ACO1: variants seen among roughly 807,000 people sequenced by gnomAD.
ACO1 encodes the protein aconitase 1.
In ACO1, 78 loss-of-function variants were observed where a neutral mutation model predicts 105.1. The observed-to-expected ratio is 0.74, with a 90% confidence interval of 0.62 to 0.90. ACO1 has a LOEUF of 0.90. Ranked by LOEUF, ACO1 falls within the 40% of genes least tolerant of loss-of-function variation. The pLI, the probability that ACO1 is intolerant of heterozygous loss-of-function variation, is 0.00. For missense variants in ACO1, 965 were observed against 1,111.1 expected (o/e 0.87, Z 1.87); for synonymous variants, 364 against 397.4 (o/e 0.92, Z 1.00).
intron 13 of ACO1, among the ~76,000 whole-genome samples, chr9:32,429,836 A>G (rs1188151980): frequency 6.6e-6 from 1 of 152,184 alleles, no homozygotes; most frequent in Non-Finnish European, 1.5e-5. Context: ...AAAGGGCTCT[A>G]CAGTTGTTTG....
intron 12 of ACO1, 131 bp from the exon 13 acceptor site, chr9:32,429,288 C>A: frequency 1.5e-6 from 1 of 670,062 alleles, no homozygotes; most frequent in Non-Finnish European, 2.6e-6. Flanking sequence ...TTAGAAATAG[C>A]ACTATACTGA....
chr9:32,395,938 C>G (rs1261656302), intron 1 of ACO1, among the ~76,000 whole-genome samples: 1 of 152,296 alleles, frequency 6.6e-6, no homozygotes, highest in South Asian at 2.1e-4. Flanking sequence ...GATGTTCTGC[C>G]CCCTCTTGGC....
intron 1 of ACO1, among the ~76,000 whole-genome samples, chr9:32,385,168 G>A (rs1029833411): frequency 6.6e-6 from 1 of 152,220 alleles, no homozygotes; most frequent in African/African-American, 2.4e-5. Flanking sequence ...ACTCCAAGGG[G>A]TAAAGGGAAA....
chr9:32,440,590 G>T lies in ACO1; in HGVS notation c.2370+3G>T. Reference sequence around the variant, plus strand: ...CAGCTAAGGGCCCTTTCCTGCTGGTGAGTATGAAGTAGACATCCTAGGAGG... The same window carrying T: ...CAGCTAAGGGCCCTTTCCTGCTGGTTAGTATGAAGTAGACATCCTAGGAGG... On this transcript the variant is annotated splice_donor_region_variant and intron_variant, in intron 19 of 20. Transcript: ENST00000309951. 1.2e-6 allele frequency: 2 copies of T among 1,613,622 alleles called. No individual in the cohort carries two copies. Among genetic ancestry groups the T allele is most frequent in the South Asian group, 2.2e-5 (2 of 91,024 alleles).
chr9:32,429,348 T>C, intron 12 of ACO1, 71 bp from the exon 13 acceptor site: 1 of 1,416,834 alleles, frequency 7.1e-7, no homozygotes, highest in Non-Finnish European at 1.0e-6. Context: ...CTCTGGAAAC[T>C]GTGGCCAGCA....
At chr9:32,448,646 C>T (rs563826847) in intron 19 of ACO1, among the ~76,000 whole-genome samples, 31 of 152,290 alleles carry the variant, frequency 2.0e-4, no homozygotes, top group African/African-American at 5.3e-4. Context: ...GGTGAGGTGA[C>T]GCCCCACCCC....
chr9:32,418,173 TAGAG>T lies in ACO1; in HGVS notation c.453_456del (p.Arg151SerfsTer6), dbSNP rs1482069997. On this transcript the variant is annotated frameshift_variant, in exon 5 of 21. Transcript: ENST00000309951. LOFTEE classifies it high-confidence loss of function. ...ATCAAGACCTGGAATTTGAAAGAAA[TAGAG>T]AGCGATTTGAATTTTTAAAGGTATG... is the stretch of plus-strand genomic sequence containing the variant. 5.0e-6 allele frequency: 8 copies of T among 1,614,032 alleles called. No homozygotes were observed. The highest frequency in any genetic ancestry group is 1.1e-5 in the South Asian group (1 of 91,086).
chr9:32,409,138 C>T (rs1385739724), intron 4 of ACO1, among the ~76,000 whole-genome samples: 2 of 152,204 alleles, frequency 1.3e-5, no homozygotes, highest in Non-Finnish European at 2.9e-5. Flanking sequence ...CTCCTCTGTT[C>T]CTGCCAAATC....
At chr9:32,390,760 T>TGAGCCATGAAAAGAGTCTTAAATTC (rs1821250854) in intron 1 of ACO1, among the ~76,000 whole-genome samples, 1 of 152,174 alleles carries the variant, frequency 6.6e-6, no homozygotes, top group Non-Finnish European at 1.5e-5. Flanking sequence ...GTCTTAAATT[T>TGAGCCATGAAAAGAGTCTTAAATTC]GAGCCATGAA....
intron 4 of ACO1, among the ~76,000 whole-genome samples, chr9:32,411,112 C>T (rs924920822): frequency 3.9e-5 from 6 of 152,222 alleles, no homozygotes; most frequent in African/African-American, 1.4e-4. Context: ...TTGATCAAAG[C>T]AAATCACATG....
intron 1 of ACO1, among the ~76,000 whole-genome samples, chr9:32,393,882 A>T (rs1821317766): frequency 6.6e-6 from 1 of 152,080 alleles, no homozygotes; most frequent in Non-Finnish European, 1.5e-5. Context: ...ATAACACCGT[A>T]ACCTGCCTCC....
intron 18 of ACO1, among the ~76,000 whole-genome samples, chr9:32,436,610 T>C (rs1025902873): frequency 3.3e-5 from 5 of 152,360 alleles, no homozygotes; most frequent in African/African-American, 1.2e-4. Context: ...TAGACCGTGG[T>C]TTCACTGAGT....
intron 12 of ACO1, 87 bp downstream of exon 12, chr9:32,427,523 G>A (rs1822127951): frequency 6.5e-7 from 1 of 1,526,798 alleles, no homozygotes. Flanking sequence ...ACAGATGTGA[G>A]ATTATCTGAT....
chr9:32,408,509 C>G lies in ACO1; in HGVS notation c.267-5C>G. ...TTTTCTGCATTATTCTCTTTCTTCT[C>G]TTAGGGGTGTGCCCGCTGTGGTTGA... On this transcript the variant is annotated splice_region_variant and splice_polypyrimidine_tract_variant and intron_variant, in intron 3 of 20. Coordinates refer to ENST00000309951, the MANE Select transcript of ACO1 (RefSeq NM_002197.3). 6.2e-7 allele frequency: 1 copy of G among 1,613,934 alleles called. No homozygotes were observed. The highest frequency in any genetic ancestry group is 8.5e-7 in the Non-Finnish European group (1 of 1,179,932).
chr9:32,416,240 G>T lies in ACO1; in HGVS notation c.405-1888G>T, dbSNP rs564379811. Among the ~76,000 whole-genome samples the T allele has an allele frequency of 5.9e-5, 9 of 151,942 alleles. No individual in the cohort carries two copies. In the South Asian group the frequency reaches 1.9e-3, roughly 32 times the overall value. On this transcript the variant is annotated intron_variant, in intron 4 of 20. Coordinates refer to ENST00000309951, the MANE Select transcript of ACO1 (RefSeq NM_002197.3). ...CTCTCGAGTAGCTGGGATTACAGGC[G>T]CCTGCCACCATGCCCGGCTAATTTT... is the stretch of plus-strand genomic sequence containing the variant.
chr9:32,434,037 C>T (rs989562958), intron 16 of ACO1, among the ~76,000 whole-genome samples: 15 of 152,100 alleles, frequency 9.9e-5, no homozygotes, highest in African/African-American at 2.4e-4. Flanking sequence ...AGGGGTTCTG[C>T]GTGGATGTAC....
chr9:32,388,664 A>C (rs1049396449), intron 1 of ACO1, among the ~76,000 whole-genome samples: 1 of 152,146 alleles, frequency 6.6e-6, no homozygotes, highest in Non-Finnish European at 1.5e-5. Flanking sequence ...ATTCCATTCC[A>C]TGTATTTAAA....
Position 32,440,585 on chromosome 9 carries a change from C to T in ACO1, c.2368C>T (p.Leu790=). The T allele has an allele frequency of 1.9e-6, 3 of 1,613,642 alleles. No individual in the cohort carries two copies. Among genetic ancestry groups the T allele is most frequent in the Non-Finnish European group, 2.5e-6 (3 of 1,179,750 alleles). ...RDWAAKGPFL[L]GIKAVLAESY... ...CTGGGCAGCTAAGGGCCCTTTCCTG[C>T]TGGTGAGTATGAAGTAGACATCCTA... The change falls in exon 19 of 21, where the codon CTG becomes TTG. Residue 790 remains leucine, a splice_region_variant and synonymous_variant. Transcript: ENST00000309951.
intron 17 of ACO1, among the ~76,000 whole-genome samples, chr9:32,435,843 G>C (rs1822343916): frequency 6.6e-6 from 1 of 152,086 alleles, no homozygotes; most frequent in African/African-American, 2.4e-5. Context: ...GTTTCCCCCT[G>C]TTTGTGGCTC....
Sources: gnomAD v4.1 joint callset for allele counts (sites outside exome capture counted in the v4.1 genomes callset) on GRCh38, gnomAD v4.1.1 for gene constraint, MANE v1.5 for transcripts, NCBI Gene and HGNC (gene_info 2026-07-23, HGNC 2026-07-21) for gene names.